The following PGCKA1 variants were observed in gnomAD, a reference collection of about 807,000 sequenced individuals.
The protein encoded by PGCKA1 is PDCD10 and GCKIII kinases-associated protein 1.
the PGCKA1 span, chr4:37,590,462 TC>T: frequency 6.2e-7 from 1 of 1,610,896 alleles, no homozygotes; most frequent in Non-Finnish European, 8.5e-7. Context: ...ACTCAACCCT[TC>T]CTGGAAGGAG....
At chr4:37,464,136 C>G in the PGCKA1 span, among the ~76,000 whole-genome samples, 1 of 152,110 alleles carries the variant, frequency 6.6e-6, no homozygotes, top group Non-Finnish European at 1.5e-5. Flanking sequence ...TTAAGTGAGC[C>G]CTTTGGAAAG....
At chr4:37,567,209 C>G in the PGCKA1 span, among the ~76,000 whole-genome samples, 3 of 152,086 alleles carry the variant, frequency 2.0e-5, no homozygotes, top group Non-Finnish European at 4.4e-5. Context: ...GTTATATAAC[C>G]TCCCATTTAG....
chr4:37,572,188 A>G, the PGCKA1 span, among the ~76,000 whole-genome samples: 4 of 146,110 alleles, frequency 2.7e-5, no homozygotes, highest in Admixed American at 2.1e-4. Flanking sequence ...TCAGCCTCCC[A>G]AGTAGCTGGG....
At chr4:37,458,094 A>G in the PGCKA1 span, among the ~76,000 whole-genome samples, 2 of 152,300 alleles carry the variant, frequency 1.3e-5, no homozygotes, top group East Asian at 3.9e-4. Context: ...AAAGAACCTT[A>G]AAAGTTACTT....
the PGCKA1 span, among the ~76,000 whole-genome samples, chr4:37,503,630 T>C: frequency 6.6e-6 from 1 of 152,356 alleles, no homozygotes; most frequent in African/African-American, 2.4e-5. Context: ...TGCCTCTTTT[T>C]GATGAAAGCC....
chr4:37,502,825 A>G, the PGCKA1 span, among the ~76,000 whole-genome samples: 1 of 152,062 alleles, frequency 6.6e-6, no homozygotes. Flanking sequence ...CACAGGAGCT[A>G]TGATGCGGCA....
chr4:37,455,828 A>G, the PGCKA1 span, among the ~76,000 whole-genome samples: 2 of 152,284 alleles, frequency 1.3e-5, no homozygotes, highest in South Asian at 4.2e-4. Context: ...CTTTCCTCCT[A>G]GAACAGCCCG....
At chr4:37,501,438 G>C in the PGCKA1 span, among the ~76,000 whole-genome samples, 4 of 152,148 alleles carry the variant, frequency 2.6e-5, no homozygotes, top group African/African-American at 9.7e-5. Flanking sequence ...ACTAATGCCT[G>C]ATAACGTGAG....
chr4:37,544,228 C>T, the PGCKA1 span, among the ~76,000 whole-genome samples: 5 of 152,122 alleles, frequency 3.3e-5, no homozygotes, highest in African/African-American at 1.2e-4. Context: ...CTTTGTATAT[C>T]ATTGAGTTTT....
At chr4:37,502,848 C>A in the PGCKA1 span, among the ~76,000 whole-genome samples, 5 of 151,972 alleles carry the variant, frequency 3.3e-5, no homozygotes, top group African/African-American at 1.2e-4. Context: ...CTAGGGCACC[C>A]AGGGCTGTAT....
the PGCKA1 span, among the ~76,000 whole-genome samples, chr4:37,565,089 T>C: frequency 6.6e-6 from 1 of 152,144 alleles, no homozygotes; most frequent in South Asian, 2.1e-4. Context: ...ACATAGCTTC[T>C]CAAACTTTTC....
the PGCKA1 span, among the ~76,000 whole-genome samples, chr4:37,570,416 G>T: frequency 1.8e-5 from 2 of 113,416 alleles, no homozygotes; most frequent in East Asian, 2.6e-4. Flanking sequence ...AAAAGAGTAG[G>T]AAATGTTTCT....
At chr4:37,488,266 A>G in the PGCKA1 span, among the ~76,000 whole-genome samples, 2 of 152,328 alleles carry the variant, frequency 1.3e-5, no homozygotes, top group East Asian at 3.9e-4. Flanking sequence ...ATTTCCTAAA[A>G]GACTAGTTTC....
chr4:37,478,150 C>CGG, the PGCKA1 span, among the ~76,000 whole-genome samples: 3 of 114,030 alleles, frequency 2.6e-5, no homozygotes, highest in East Asian at 2.9e-4. Flanking sequence ...ACACCCCCCC[C>CGG]CACCGCCACT....
chr4:37,566,065 T>A, the PGCKA1 span, among the ~76,000 whole-genome samples: 3 of 152,136 alleles, frequency 2.0e-5, no homozygotes, highest in Non-Finnish European at 4.4e-5. Flanking sequence ...GATGAGCTAT[T>A]GTGGGACCTT....
the PGCKA1 span, among the ~76,000 whole-genome samples, chr4:37,561,061 C>G: frequency 3.6e-4 from 55 of 152,278 alleles, 1 homozygote; most frequent in African/African-American, 1.3e-3. Flanking sequence ...CTCCACTGCT[C>G]TACAACCTTC....
chr4:37,536,233 G>C, the PGCKA1 span, among the ~76,000 whole-genome samples: 2 of 152,178 alleles, frequency 1.3e-5, no homozygotes, highest in Admixed American at 1.3e-4. Context: ...CTTTCACAGA[G>C]AAGATCCTAT....
At chr4:37,512,257 T>C in the PGCKA1 span, among the ~76,000 whole-genome samples, 1 of 112,636 alleles carries the variant, frequency 8.9e-6, no homozygotes, top group Non-Finnish European at 1.9e-5. Context: ...TCAAACTTGG[T>C]GTTCCTGTAG....
chr4:37,541,810 A>G, the PGCKA1 span, among the ~76,000 whole-genome samples: 1,248 of 152,266 alleles, frequency 8.2e-3, 19 homozygotes, highest in African/African-American at 0.029. Context: ...GGAAGGCACC[A>G]AGTTCAAGAG....
Sources: allele counts gnomAD v4.1 joint callset (sites outside exome capture counted in the v4.1 genomes callset), GRCh38; gene constraint gnomAD v4.1.1; transcripts MANE v1.5; gene names NCBI Gene and HGNC (gene_info 2026-07-23, HGNC 2026-07-21).